HDAC4: variants seen among roughly 807,000 people sequenced by gnomAD.
HDAC4 encodes histone deacetylase A.
In HDAC4, 16 loss-of-function variants were observed where a neutral mutation model predicts 135.1. The observed-to-expected ratio is 0.12, with a 90% CI of 0.08 to 0.18. The LOEUF (loss-of-function observed/expected upper bound fraction) is 0.18. Among genes scored for constraint, HDAC4 ranks in the 10% least tolerant of loss-of-function variants. The probability of loss-of-function intolerance (pLI) is 1.00; values close to 1 mark genes in which losing one functional copy is unlikely to be tolerated. For synonymous variants in HDAC4, 685 were observed against 653.4 expected (o/e 1.05, Z -0.74); for missense variants, 1,143 against 1,511.8 (o/e 0.76, Z 4.05).
intron 2 of HDAC4, among the ~76,000 whole-genome samples, chr2:239,333,057 A>T (rs1364522283): frequency 6.6e-6 from 1 of 152,178 alleles, no homozygotes; most frequent in Non-Finnish European, 1.5e-5. Flanking sequence ...TGAGGGTGTA[A>T]TTTACAAATC....
At chr2:239,387,858 A>G (rs546113490) in intron 1 of HDAC4, among the ~76,000 whole-genome samples, 83 of 152,230 alleles carry the variant, frequency 5.5e-4, no homozygotes, top group Admixed American at 3.6e-3. Flanking sequence ...TGGTTCCACC[A>G]CGCATTGCAA....
chr2:239,367,486 C>T (rs1443764055), intron 1 of HDAC4, among the ~76,000 whole-genome samples: 2 of 152,148 alleles, frequency 1.3e-5, no homozygotes, highest in Non-Finnish European at 2.9e-5. Flanking sequence ...AATACCAATA[C>T]AGGTTGAGCA....
In HDAC4 at chr2:239,048,646, G is replaced by A. The variant is rs1335097453; in HGVS notation, c.*4451C>T. The A allele has an allele frequency of 6.6e-6, 1 of 152,146 alleles. No homozygotes were observed. The highest frequency in any genetic ancestry group is 6.5e-5 in the Admixed American group (1 of 15,268). The allele number at this position is 152,146 out of a possible 1,614,324, so 9.4% of individuals were successfully genotyped here. A position where few individuals can be genotyped will look rare whatever the true frequency, so the allele number is the denominator to read the frequency against. ...TGGAAAATAGCGCCTCCACTATGGAGCACACACGGCAAAAAAAACAAACAA... is the reference window on the plus strand; with the variant it reads ...TGGAAAATAGCGCCTCCACTATGGAACACACACGGCAAAAAAAACAAACAA... On this transcript the variant is annotated 3_prime_UTR_variant, in exon 27 of 27. Coordinates refer to ENST00000543185, the MANE Select transcript of HDAC4 (RefSeq NM_001378414.1).
intron 2 of HDAC4, among the ~76,000 whole-genome samples, chr2:239,320,945 CA>C (rs1257860882): frequency 1.4e-4 from 21 of 152,166 alleles, no homozygotes; most frequent in Admixed American, 1.0e-3. Context: ...TTTTATTTTT[CA>C]AAACATTCTC....
At chr2:239,281,727 ACAC>A (rs1345092741) in intron 2 of HDAC4, among the ~76,000 whole-genome samples, 1 of 148,764 alleles carries the variant, frequency 6.7e-6, no homozygotes, top group Non-Finnish European at 1.5e-5. Context: ...TACAATGAAC[ACAC>A]CACTCTACAC....
rs376596567 is a variant in HDAC4 at position 239,304,207 on chromosome 2, G to A, written c.22+48471C>T. Reference sequence around the variant, plus strand: ...AGAATGCCTCAAGCAGTGTGAGCTCGGGGAAGAAGTCCACACAGGACACAA... The same window carrying A: ...AGAATGCCTCAAGCAGTGTGAGCTCAGGGAAGAAGTCCACACAGGACACAA... On this transcript the variant is annotated intron_variant, in intron 2 of 26. Coordinates refer to ENST00000543185, the MANE Select transcript of HDAC4 (RefSeq NM_001378414.1). 3.7e-4 allele frequency among the ~76,000 whole-genome samples: 57 copies of A among 152,116 alleles called. 1 individual carries two copies. Among genetic ancestry groups the A allele is most frequent in the African/African-American group, 1.3e-3 (53 of 41,418 alleles).
Position 239,306,507 on chromosome 2 carries a change from C to T in HDAC4, c.22+46171G>A, listed in dbSNP as rs952825054. Among the ~76,000 whole-genome samples, 1 of 152,164 alleles carries T rather than the reference C, an allele frequency of 6.6e-6. No homozygotes were observed. Among genetic ancestry groups the T allele is most frequent in the Non-Finnish European group, 1.5e-5 (1 of 68,038 alleles). Reference sequence around the variant, plus strand: ...GTGTCCCATACTCGGCCCGTAGAGCCATCAAATCATCTGGGCCCCGACACA... The same window carrying T: ...GTGTCCCATACTCGGCCCGTAGAGCTATCAAATCATCTGGGCCCCGACACA... On this transcript the variant is annotated intron_variant, in intron 2 of 26. Coordinates refer to ENST00000543185, the MANE Select transcript of HDAC4 (RefSeq NM_001378414.1). This position sits in a 1 kb window ranked among gnomAD's most constrained non-coding sequence, Gnocchi z 4.5.
At chr2:239,218,235 AT>A (rs2046753344) in intron 3 of HDAC4, among the ~76,000 whole-genome samples, 1 of 152,262 alleles carries the variant, frequency 6.6e-6, no homozygotes, top group Non-Finnish European at 1.5e-5. Flanking sequence ...CAATCATTAT[AT>A]TAAAAACAAA....
At chr2:239,260,649 T>C (rs74000584) in intron 2 of HDAC4, among the ~76,000 whole-genome samples, 2,940 of 152,252 alleles carry the variant, frequency 0.019, 92 homozygotes, top group African/African-American at 0.068. Flanking sequence ...GTGTGGCCTG[T>C]GGCCTGTGGC....
At chr2:239,284,333 T>G (rs1158739494) in intron 2 of HDAC4, among the ~76,000 whole-genome samples, 2 of 151,816 alleles carry the variant, frequency 1.3e-5, no homozygotes, top group African/African-American at 2.4e-5. Context: ...GGCCAGGGAG[T>G]GGGCAGAGTG....
At position 239,236,616 on chromosome 2, in the gene HDAC4, C is replaced by G; in HGVS notation, c.71G>C (p.Arg24Pro). Residue 24 changes from arginine (R) to proline (P), a missense_variant, in exon 3 of 27, where the codon CGC (arginine) becomes CCC (proline). Arg to Pro is a moderately radical substitution (Grantham distance 103, BLOSUM62 -2). Coordinates refer to ENST00000543185, the MANE Select transcript of HDAC4 (RefSeq NM_001378414.1). ...DQPVELLNPA[R>P]VNHMPSTVDV... is the part of the protein sequence containing the mutation. ...ACCCGTGCTGGGCATGTGGTTCACG[C>G]GGGCAGGATTCAGCAGCTCCACTGG... The G allele has an allele frequency of 6.4e-7, 1 of 1,551,764 alleles. No homozygotes were observed. The highest frequency in any genetic ancestry group is 8.7e-7 in the Non-Finnish European group (1 of 1,146,984).
rs186147538 is a variant in HDAC4 at position 239,119,147 on chromosome 2, T to G, written c.1534-3837A>C. On this transcript the variant is annotated intron_variant, in intron 12 of 26. Transcript: ENST00000543185. The stretch of plus-strand genomic sequence containing the variant: ...CCCCAGGGCCCGGTGCAGTCTGATG[T>G]GTAACGGGATGTGACTGACTGAGTG... Among the ~76,000 whole-genome samples, 580 of 152,280 alleles carry G rather than the reference T, an allele frequency of 3.8e-3. 2 individuals are homozygous for G. Among genetic ancestry groups the G allele is most frequent in the African/African-American group, 0.014 (565 of 41,548 alleles).
rs140476066 is a variant in HDAC4 at position 239,055,544 on chromosome 2, C to A, written c.3004-711G>T. ...CCAGCCTGGGCAACGTGGTGAAACT[C>A]TGTCTCTACTAAAAATACAAAACTT... On this transcript the variant is annotated intron_variant, in intron 24 of 26. Transcript: ENST00000543185. Among the ~76,000 whole-genome samples, 204 of 152,284 alleles carry A rather than the reference C, an allele frequency of 1.3e-3. 3 individuals carry two copies. The East Asian group carries it at 0.036, about 27-fold the overall frequency.
At chr2:239,230,464 G>A (rs991298751) in intron 3 of HDAC4, among the ~76,000 whole-genome samples, 4 of 150,358 alleles carry the variant, frequency 2.7e-5, no homozygotes, top group Admixed American at 6.6e-5. Flanking sequence ...GCAAGCTGCC[G>A]AGTCCGTGGG....
Position 239,094,751 on chromosome 2 carries a change from G to A in HDAC4, c.2280+259C>T. 3.0e-6 allele frequency: 4 copies of A among 1,337,348 alleles called. No homozygotes were observed. In the African/African-American group the frequency reaches 5.9e-5, roughly 20 times the overall value. The allele number at this position is 1,337,348 out of a possible 1,614,324, so 82.8% of individuals were successfully genotyped here. A position where few individuals can be genotyped will look rare whatever the true frequency, so the allele number is the denominator to read the frequency against. ...AGATGCTGGCTGCATACAGGATCCT[G>A]TTTCTTAAAGCGAGAGCCACTGCAC... On this transcript the variant is annotated intron_variant, in intron 17 of 26. Coordinates refer to ENST00000543185, the MANE Select transcript of HDAC4 (RefSeq NM_001378414.1).
intron 2 of HDAC4, among the ~76,000 whole-genome samples, chr2:239,317,064 C>T (rs576722584): frequency 1.3e-5 from 2 of 152,118 alleles, no homozygotes; most frequent in Admixed American, 6.6e-5. Flanking sequence ...CTTTTAGACC[C>T]GGTATCTGGA....
At chr2:239,337,815 A>G (rs1440071602) in intron 2 of HDAC4, among the ~76,000 whole-genome samples, 2 of 152,148 alleles carry the variant, frequency 1.3e-5, no homozygotes, top group Non-Finnish European at 2.9e-5. Context: ...AGATCTGCAG[A>G]CTGGGCCCTG....
intron 3 of HDAC4, among the ~76,000 whole-genome samples, chr2:239,233,247 G>A (rs2047701488): frequency 6.6e-6 from 1 of 152,168 alleles, no homozygotes; most frequent in Admixed American, 6.5e-5. Context: ...AGAAATCAAA[G>A]TTGATCTAAG....
In HDAC4 at chr2:239,144,724, AAGG is replaced by A. The variant is rs777288412; in HGVS notation, c.734-13_734-11del. On this transcript the variant is annotated splice_polypyrimidine_tract_variant and intron_variant, in intron 7 of 26. Transcript: ENST00000543185. ...AGATTCGGTTCAGAAGCTGCACAAA[AAGG>A]AGATGTCATTACAGCCAGGCAGACA... is the stretch of plus-strand genomic sequence containing the variant. 6.2e-7 allele frequency: 1 copy of A among 1,614,128 alleles called. No homozygotes were observed.
Sources: allele counts gnomAD v4.1 joint callset (sites outside exome capture counted in the v4.1 genomes callset), GRCh38; gene constraint gnomAD v4.1.1; non-coding constraint Gnocchi (gnomAD v3.1); transcripts MANE v1.5; gene names NCBI Gene and HGNC (gene_info 2026-07-23, HGNC 2026-07-21).